CDH18: variants seen among roughly 807,000 people sequenced by gnomAD.
CDH18 encodes cadherin-18.
A neutral mutation model predicts 67.9 loss-of-function variants in CDH18; 31 were observed. That is an observed-to-expected ratio of 0.46 (90% confidence interval 0.34 to 0.62). The LOEUF is 0.62. Ranked by LOEUF, CDH18 falls within the 20% of genes least tolerant of loss-of-function variation. The probability of loss-of-function intolerance (pLI) is 0.01; values close to 1 mark genes in which losing one functional copy is unlikely to be tolerated. For missense variants in CDH18, 890 were observed against 975.5 expected, an observed-to-expected ratio of 0.91 and a Z score of 1.17; for synonymous variants, 362 against 347.2, an observed-to-expected ratio of 1.04 and a Z score of -0.48.
At chr5:20,280,140 C>A (rs1309780590) in intron 1 of CDH18, among the ~76,000 whole-genome samples, 4 of 151,276 alleles carry the variant, frequency 2.6e-5, no homozygotes, top group South Asian at 2.1e-4. Flanking sequence ...TATGACATTT[C>A]TTTTCTTTTT....
At chr5:19,565,070 G>T (rs558980228) in intron 8 of CDH18, among the ~76,000 whole-genome samples, 1 of 152,078 alleles carries the variant, frequency 6.6e-6, no homozygotes, top group South Asian at 2.1e-4. Flanking sequence ...TCCAGGCTGT[G>T]GCTCCTGGAC....
At chr5:20,455,612 C>T (rs1466460765) in intron 1 of CDH18, among the ~76,000 whole-genome samples, 8 of 151,832 alleles carry the variant, frequency 5.3e-5, no homozygotes, top group East Asian at 1.9e-4. Context: ...ATTCAGAAAT[C>T]GTGAAGTTTT....
chr5:20,502,112 T>A (rs1754370387), intron 1 of CDH18, among the ~76,000 whole-genome samples: 1 of 152,110 alleles, frequency 6.6e-6, no homozygotes, highest in African/African-American at 2.4e-5. Flanking sequence ...TATTACTAAA[T>A]CTAGCTTTAG....
rs76877822 is a variant in CDH18 at position 20,447,413 on chromosome 5, G to A, written c.-580+128049C>T. Among the ~76,000 whole-genome samples the A allele has an allele frequency of 3.3e-3, 496 of 151,912 alleles. 2 individuals carry two copies. Among genetic ancestry groups the A allele is most frequent in the African/African-American group, 0.012 (477 of 41,462 alleles). On this transcript the variant is annotated intron_variant, in intron 1 of 14. Coordinates refer to the CDH18 transcript ENST00000507958. ...AAAAGGGCTACACACAGTGTCCACA[G>A]TGTGTCTTGCTTTTCTGCTTTCTGC... is the stretch of plus-strand genomic sequence containing the variant.
At chr5:19,609,116 G>A (rs1348010009) in intron 6 of CDH18, among the ~76,000 whole-genome samples, 1 of 151,900 alleles carries the variant, frequency 6.6e-6, no homozygotes, top group Non-Finnish European at 1.5e-5. Context: ...AATAGGAAAT[G>A]GCAGAATAAA....
At chr5:20,420,918 G>A (rs1747812264) in intron 1 of CDH18, among the ~76,000 whole-genome samples, 1 of 151,046 alleles carries the variant, frequency 6.6e-6, no homozygotes, top group Non-Finnish European at 1.5e-5. Flanking sequence ...CACGAAAACT[G>A]AAATTTTTAA....
At chr5:20,493,356 T>TAAAAAA (rs148292031) in intron 1 of CDH18, among the ~76,000 whole-genome samples, 494 of 47,172 alleles carry the variant, frequency 0.01, 19 homozygotes, top group East Asian at 0.028. Context: ...TTCAGAAAAT[T>TAAAAAA]AAAAAAAAAA....
chr5:19,700,558 A>G (rs1763108298), intron 5 of CDH18, among the ~76,000 whole-genome samples: 1 of 152,126 alleles, frequency 6.6e-6, no homozygotes, highest in African/African-American at 2.4e-5. Context: ...CACAGTTTCT[A>G]TACAGAGAAG....
At chr5:19,590,379 T>A (rs2631620) in intron 7 of CDH18, among the ~76,000 whole-genome samples, 108,234 of 151,904 alleles carry the variant, frequency 0.71, 39,221 homozygotes, top group South Asian at 0.8. Context: ...ACAAGTTAAT[T>A]TTCAATTTTA....
chr5:20,216,342 G>C (rs1441464726), intron 2 of CDH18, among the ~76,000 whole-genome samples: 1 of 151,890 alleles, frequency 6.6e-6, no homozygotes, highest in Non-Finnish European at 1.5e-5. Flanking sequence ...CAATATCTGT[G>C]AAACACAATG....
At chr5:19,951,105 G>A (rs1395015094) in intron 2 of CDH18, among the ~76,000 whole-genome samples, 3 of 152,088 alleles carry the variant, frequency 2.0e-5, no homozygotes, top group Admixed American at 6.6e-5. Flanking sequence ...CCATTCAATT[G>A]GCTGTGGCAG....
intron 3 of CDH18, among the ~76,000 whole-genome samples, chr5:19,755,343 T>C (rs981494913): frequency 6.8e-5 from 10 of 146,522 alleles, no homozygotes; most frequent in Non-Finnish European, 1.5e-4. Context: ...ATGGGAGATA[T>C]TACAACTGAC....
At chr5:20,501,768 G>C (rs1331605048) in intron 1 of CDH18, among the ~76,000 whole-genome samples, 1 of 137,916 alleles carries the variant, frequency 7.3e-6, no homozygotes, top group Non-Finnish European at 1.5e-5. Context: ...TACCTTTACA[G>C]ATTGAATAAG....
chr5:19,853,392 A>G (rs1379322999), intron 2 of CDH18, among the ~76,000 whole-genome samples: 1 of 152,104 alleles, frequency 6.6e-6, no homozygotes, highest in Non-Finnish European at 1.5e-5. Context: ...CCCCCATTCC[A>G]AGTACAGCCA....
intron 1 of CDH18, among the ~76,000 whole-genome samples, chr5:20,267,957 C>T (rs939280001): frequency 1.3e-5 from 2 of 152,228 alleles, no homozygotes; most frequent in Middle Eastern, 3.4e-3. Context: ...TTCCCTCTTC[C>T]CACTCTCTAG....
intron 9 of CDH18, among the ~76,000 whole-genome samples, chr5:19,528,543 A>G (rs547487032): frequency 2.4e-4 from 37 of 151,818 alleles, no homozygotes; most frequent in Non-Finnish European, 5.2e-4. Flanking sequence ...ATTGAAATGC[A>G]TAATTATTCA....
chr5:20,395,090 G>A (rs1173295445), intron 1 of CDH18, among the ~76,000 whole-genome samples: 20 of 152,076 alleles, frequency 1.3e-4, no homozygotes, highest in Admixed American at 1.3e-3. Context: ...CTATGACTGG[G>A]TATCTACCCA....
chr5:20,298,998 AT>A (rs1332783205), intron 1 of CDH18, among the ~76,000 whole-genome samples: 1 of 152,208 alleles, frequency 6.6e-6, no homozygotes, highest in Admixed American at 6.5e-5. Context: ...AGGAGATAAA[AT>A]AAAAAACATA....
At chr5:19,499,966 A>C (rs1188933356) in intron 11 of CDH18, among the ~76,000 whole-genome samples, 1 of 152,110 alleles carries the variant, frequency 6.6e-6, no homozygotes, top group Non-Finnish European at 1.5e-5. Flanking sequence ...TGTGAGAAGT[A>C]GGCACAGAAA....
Sources: allele counts gnomAD v4.1 joint callset (sites outside exome capture counted in the v4.1 genomes callset), GRCh38; gene constraint gnomAD v4.1.1; transcripts MANE v1.5; gene names NCBI Gene and HGNC (gene_info 2026-07-23, HGNC 2026-07-21).